Variants in WRN observed in about 807,000 individuals in gnomAD.
WRN encodes the protein WRN RecQ like helicase, also known as bifunctional 3'-5' exonuclease/ATP-dependent helicase WRN.
In WRN, 149 loss-of-function variants were observed where a neutral mutation model predicts 180.7. The observed-to-expected ratio is 0.82, with a 90% confidence interval of 0.72 to 0.94. The LOEUF is 0.94. WRN is among the 40% of genes least tolerant of loss of function. The probability of loss-of-function intolerance (pLI) is 0.00; values close to 1 mark genes in which losing one functional copy is unlikely to be tolerated. For synonymous variants in WRN, 548 were observed against 568.9 expected (o/e 0.96, Z 0.52); for missense variants, 1,661 against 1,700.1 (o/e 0.98, Z 0.40).
intron 33 of WRN, among the ~76,000 whole-genome samples, chr8:31,161,087 C>G (rs1217041412): frequency 6.8e-6 from 1 of 148,064 alleles, no homozygotes; most frequent in East Asian, 2.2e-4. Context: ...TATCCTGAAA[C>G]TTACAGGTGG....
chr8:31,114,908 T>A (rs1456267611), intron 19 of WRN, among the ~76,000 whole-genome samples: 4 of 150,872 alleles, frequency 2.7e-5, no homozygotes, highest in Middle Eastern at 3.4e-3. Flanking sequence ...TTTTTTTTTT[T>A]TTTTTGACAT....
rs1220777931 is a variant in WRN at position 31,173,000 on chromosome 8, A to T, written c.4197A>T (p.Ser1399=). 1.2e-6 allele frequency: 2 copies of T among 1,613,586 alleles called. No individual in the cohort carries two copies. The highest frequency in any genetic ancestry group is 1.7e-6 in the Non-Finnish European group (2 of 1,179,772). The change falls in exon 35 of 35, where the codon TCA becomes TCT. Residue 1399 remains serine (S), a synonymous_variant. Coordinates refer to ENST00000298139, the MANE Select transcript of WRN (RefSeq NM_000553.6). Reference sequence around the variant, plus strand: ...TTTCTTTCTATTTCCTACAGACTTCATCTGCAGAGAGAAAGAGACGATTAC... The same window carrying T: ...TTTCTTTCTATTTCCTACAGACTTCTTCTGCAGAGAGAAAGAGACGATTAC... The part of the protein sequence containing the change: ...KEEVGINTET[S]SAERKRRLPV...
At chr8:31,137,703 C>G (rs1192663138) in intron 24 of WRN, among the ~76,000 whole-genome samples, 4 of 151,992 alleles carry the variant, frequency 2.6e-5, no homozygotes, top group African/African-American at 9.7e-5. Flanking sequence ...AGTAACTTGC[C>G]AGAGCTATGA....
At position 31,168,259 on chromosome 8, in the gene WRN, A is replaced by G. The variant is rs979536981; in HGVS notation, c.4191+1029A>G. Reference sequence around the variant, plus strand: ...AAGAAAACATATTTTGAGTGGAGGTAATGAAATTTAGCTTCTAATGCTCAG... The same window carrying G: ...AAGAAAACATATTTTGAGTGGAGGTGATGAAATTTAGCTTCTAATGCTCAG... On this transcript the variant is annotated intron_variant, in intron 34 of 34. Transcript: ENST00000298139. Among the ~76,000 whole-genome samples, 52 of 152,258 alleles carry G rather than the reference A, an allele frequency of 3.4e-4. No homozygotes were observed. In the Middle Eastern group the frequency reaches 0.01, roughly 30 times the overall value.
chr8:31,043,538 A>G (rs931370996), intron 1 of WRN, among the ~76,000 whole-genome samples: 5 of 152,190 alleles, frequency 3.3e-5, no homozygotes, highest in Non-Finnish European at 5.9e-5. Flanking sequence ...ATGGATCATT[A>G]TCGTCTTCTT....
chr8:31,058,635 A>G (rs531155309), intron 2 of WRN, 92 bp downstream of exon 2: 78 of 1,335,018 alleles, frequency 5.8e-5, no homozygotes, highest in South Asian at 4.8e-4. Context: ...ACTTCAAGTC[A>G]TTGTTTAGGT....
Position 31,142,641 on chromosome 8 carries a change from T to C in WRN, c.3249T>C (p.Ser1083=), listed in dbSNP as rs1216505801. 4 of 1,601,708 alleles carry C rather than the reference T, an allele frequency of 2.5e-6. No individual in the cohort carries two copies. Among genetic ancestry groups the C allele is most frequent in the Non-Finnish European group, 3.4e-6 (4 of 1,174,718 alleles). Residue 1083 remains serine (S), a synonymous_variant, in exon 27 of 35, where the codon TCT becomes TCC. Coordinates refer to ENST00000298139, the MANE Select transcript of WRN (RefSeq NM_000553.6). ...KLLLPSSKTV[S]SGTKEHCYNQ... is the part of the protein sequence containing the mutation. ...TATTTTTTAGTTCGAAAACTGTATCTTCGGGCACCAAAGAGCATTGTTATA... is the reference window on the plus strand; with the variant it reads ...TATTTTTTAGTTCGAAAACTGTATCCTCGGGCACCAAAGAGCATTGTTATA...
In WRN at chr8:31,064,273, A is replaced by G. The variant is rs1812608945; in HGVS notation, c.210-16A>G. ...ATTTTAACATAAATTAATTTACACT[A>G]TTTTTCTCACTTTAGCATGAGTCTA... On this transcript the variant is annotated splice_polypyrimidine_tract_variant and intron_variant, in intron 3 of 34. Coordinates refer to ENST00000298139, the MANE Select transcript of WRN (RefSeq NM_000553.6). The G allele has an allele frequency of 2.5e-6, 4 of 1,613,502 alleles. No individual in the cohort carries two copies. Among genetic ancestry groups the G allele is most frequent in the Middle Eastern group, 1.6e-4 (1 of 6,078 alleles).
chr8:31,046,893 A>C (rs1416134712), intron 1 of WRN, among the ~76,000 whole-genome samples: 1 of 152,196 alleles, frequency 6.6e-6, no homozygotes, highest in Non-Finnish European at 1.5e-5. Flanking sequence ...GGAATTACAC[A>C]ATCACAAAAT....
Position 31,174,679 on chromosome 8 carries a change from A to G in WRN, c.*1577A>G, listed in dbSNP as rs993492864. On this transcript the variant is annotated 3_prime_UTR_variant, in exon 35 of 35. Transcript: ENST00000298139. ...TTCGCTTTCACTACTACTACTACTA[A>G]TTCTTCTTCTGATTCTTCTTCTTCT... 2.0e-5 allele frequency among the ~76,000 whole-genome samples: 3 copies of G among 151,526 alleles called. No individual in the cohort carries two copies. The highest frequency in any genetic ancestry group is 7.3e-5 in the African/African-American group (3 of 41,240).
chr8:31,111,056 A>G (rs925599737), intron 18 of WRN, among the ~76,000 whole-genome samples: 20 of 151,718 alleles, frequency 1.3e-4, no homozygotes, highest in African/African-American at 4.8e-4. Flanking sequence ...TATATATAGT[A>G]TGTTATTGAT....
intron 1 of WRN, among the ~76,000 whole-genome samples, chr8:31,050,338 T>G (rs565509006): frequency 1.3e-5 from 2 of 152,264 alleles, no homozygotes; most frequent in South Asian, 4.1e-4. Context: ...AGACCAAAAT[T>G]TATTATTTAA....
chr8:31,123,827 A>G (rs11574320), intron 21 of WRN, among the ~76,000 whole-genome samples: 1,931 of 152,234 alleles, frequency 0.013, 20 homozygotes, highest in Non-Finnish European at 0.02. Flanking sequence ...TCTTCACAGA[A>G]GACTAGAAAT....
At chr8:31,159,970 G>C (rs915168403) in intron 33 of WRN, among the ~76,000 whole-genome samples, 7 of 143,548 alleles carry the variant, frequency 4.9e-5, no homozygotes, top group African/African-American at 1.8e-4. Flanking sequence ...AAAAGACCTT[G>C]TACCCTGACA....
chr8:31,152,406 G>A (rs538418752), intron 31 of WRN, among the ~76,000 whole-genome samples: 6 of 152,126 alleles, frequency 3.9e-5, no homozygotes, highest in African/African-American at 1.4e-4. Flanking sequence ...AAAATTCAGG[G>A]GTAGGGACAG....
At chr8:31,048,830 T>C (rs1490769197) in intron 1 of WRN, among the ~76,000 whole-genome samples, 1 of 152,194 alleles carries the variant, frequency 6.6e-6, no homozygotes, top group Non-Finnish European at 1.5e-5. Context: ...GTAATCTTTC[T>C]GTGTCAGAAT....
chr8:31,058,130 G>A (rs1812344174), intron 1 of WRN, among the ~76,000 whole-genome samples: 3 of 152,102 alleles, frequency 2.0e-5, no homozygotes. Flanking sequence ...TTATTCTTGA[G>A]AAAGACTCAA....
chr8:31,174,016 A>G lies in WRN; in HGVS notation c.*914A>G, dbSNP rs1804193247. Among the ~76,000 whole-genome samples the G allele has an allele frequency of 6.6e-6, 1 of 152,252 alleles. No individual in the cohort carries two copies. The highest frequency in any genetic ancestry group is 2.4e-5 in the African/African-American group (1 of 41,476). On this transcript the variant is annotated 3_prime_UTR_variant, in exon 35 of 35. Coordinates refer to ENST00000298139, the MANE Select transcript of WRN (RefSeq NM_000553.6). ...CAAATATATCTGTCATAGAAGAACT[A>G]GAAAATCCAGGGAAGTGAGAAAAAT...
intron 9 of WRN, among the ~76,000 whole-genome samples, chr8:31,082,892 T>C (rs1283422077): frequency 6.6e-6 from 1 of 152,214 alleles, no homozygotes; most frequent in Non-Finnish European, 1.5e-5. Context: ...GTACTAATTA[T>C]TAGTATTGCT....
Sources: gnomAD v4.1 joint callset for allele counts (sites outside exome capture counted in the v4.1 genomes callset) on GRCh38, gnomAD v4.1.1 for gene constraint, MANE v1.5 for transcripts, NCBI Gene and HGNC (gene_info 2026-07-23, HGNC 2026-07-21) for gene names.